The following SMARCA2 variants were observed in gnomAD, a reference collection of about 807,000 sequenced individuals.
The protein encoded by SMARCA2 is SWI/SNF related BAF chromatin remodeling complex subunit ATPase 2.
A neutral mutation model predicts 199.8 loss-of-function variants in SMARCA2; 61 were observed. That is an observed-to-expected ratio of 0.31 (90% CI 0.25 to 0.38). SMARCA2 has a LOEUF of 0.38. SMARCA2 is among the 10% of genes least tolerant of loss of function. SMARCA2 has a pLI of 1.00. For synonymous variants in SMARCA2, 935 were observed against 732.0 expected, an observed-to-expected ratio of 1.28 and a Z score of -4.48; for missense variants, 1,344 against 2,012.2, an observed-to-expected ratio of 0.67 and a Z score of 6.35.
intron 27 of SMARCA2, among the ~76,000 whole-genome samples, chr9:2,157,237 G>A (rs1389518684): frequency 1.3e-5 from 2 of 152,138 alleles, no homozygotes; most frequent in East Asian, 3.8e-4. Context: ...TTTCTTGTTT[G>A]GGGGATCATT....
intron 4 of SMARCA2, chr9:2,040,622 GAGATTATTTTTTAA>G (rs982806981): frequency 6.6e-6 from 1 of 152,242 alleles, no homozygotes; most frequent in Non-Finnish European, 1.5e-5. Context: ...TTTCCCAGGT[GAGATTATTTTTTAA>G]ATTATTATCA....
intron 29 of SMARCA2, chr9:2,181,308 C>G (rs113814262): frequency 2.1e-4 from 58 of 277,948 alleles, no homozygotes; most frequent in African/African-American, 1.3e-3. Flanking sequence ...TATATTTGCT[C>G]TGAAAGGGAA....
chr9:2,099,830 A>AT (rs1285740892), intron 21 of SMARCA2, among the ~76,000 whole-genome samples: 8 of 152,272 alleles, frequency 5.3e-5, no homozygotes, highest in African/African-American at 1.9e-4. Flanking sequence ...TGGAAACAGT[A>AT]TTTTTAACAT....
chr9:2,152,935 G>A (rs549716139), intron 27 of SMARCA2, among the ~76,000 whole-genome samples: 1 of 152,284 alleles, frequency 6.6e-6, no homozygotes, highest in South Asian at 2.1e-4. Flanking sequence ...TGGCCATACA[G>A]GAGAGATTCT....
Position 2,088,626 on chromosome 9 carries a change from A to C in SMARCA2, c.2883+13A>C, listed in dbSNP as rs1263845521. 6.4e-7 allele frequency: 1 copy of C among 1,566,088 alleles called. No individual in the cohort carries two copies. Among genetic ancestry groups the C allele is most frequent in the East Asian group, 2.2e-5 (1 of 44,454 alleles). On this transcript the variant is annotated intron_variant, in intron 19 of 33. Transcript: ENST00000349721. The stretch of plus-strand genomic sequence containing the variant: ...GCTTCCCGAAAAAGTATGTTGCACA[A>C]CCAAAAGTTGTGGGTTTTTTTTTTC...
Position 2,016,883 on chromosome 9 carries a change from G to C in SMARCA2, c.-37+1479G>C, listed in dbSNP as rs1013304796. ...AAAACACGGCCATGCCATCTGCAAA[G>C]GTGTCGCGATGCACTTCCCTAAATA... On this transcript the variant is annotated intron_variant, in intron 1 of 33. Transcript: ENST00000349721. The surrounding 1 kb of genome is among the most constrained non-coding windows in gnomAD (Gnocchi z 5.6). Among the ~76,000 whole-genome samples, 3 of 152,218 alleles carry C rather than the reference G, an allele frequency of 2.0e-5. No homozygotes were observed. Among genetic ancestry groups the C allele is most frequent in the African/African-American group, 7.2e-5 (3 of 41,466 alleles).
chr9:2,138,606 C>T (rs923767035), intron 27 of SMARCA2, among the ~76,000 whole-genome samples: 13 of 152,162 alleles, frequency 8.5e-5, no homozygotes, highest in Non-Finnish European at 1.6e-4. Flanking sequence ...CCTCTGATAA[C>T]TTATGAAAGA....
At chr9:2,077,918 G>T in intron 14 of SMARCA2, 142 bp downstream of exon 14, 1 of 712,120 alleles carries the variant, frequency 1.4e-6, no homozygotes, top group South Asian at 1.9e-5. Context: ...TCCTTTCATT[G>T]TGCCTATGAT....
chr9:2,190,592 T>C (rs553302067), intron 32 of SMARCA2, among the ~76,000 whole-genome samples: 1 of 152,076 alleles, frequency 6.6e-6, no homozygotes, highest in Admixed American at 6.5e-5. Context: ...TTGAATTCTT[T>C]ATATTCTATA....
chr9:2,044,000 T>C (rs1819725441), intron 4 of SMARCA2: 1 of 152,230 alleles, frequency 6.6e-6, no homozygotes, highest in Admixed American at 6.5e-5. Flanking sequence ...CATTTGAAGA[T>C]ACCAGGGAAA....
In SMARCA2 at chr9:2,192,802, A is replaced by T; in HGVS notation, c.*63A>T. 1.6e-6 allele frequency: 2 copies of T among 1,234,948 alleles called. No individual in the cohort carries two copies. Among genetic ancestry groups the T allele is most frequent in the Non-Finnish European group, 2.4e-6 (2 of 836,480 alleles). The allele number at this position is 1,234,948 out of a possible 1,614,324, so 76.5% of individuals were successfully genotyped here. On this transcript the variant is annotated 3_prime_UTR_variant, in exon 34 of 34. Transcript: ENST00000349721. ...TTCCTCCCCTGTCTCATTTCTACCCAGTGAGTTCATTTGTCATATAGGCAC... is the reference window on the plus strand; with the variant it reads ...TTCCTCCCCTGTCTCATTTCTACCCTGTGAGTTCATTTGTCATATAGGCAC...
chr9:2,040,002 GC>G, intron 4 of SMARCA2, 102 bp downstream of exon 4: 1 of 1,544,840 alleles, frequency 6.5e-7, no homozygotes, highest in South Asian at 1.2e-5. Flanking sequence ...GGCTGACGTA[GC>G]CTTTTGTTAT....
chr9:2,067,552 C>T (rs375023965), intron 9 of SMARCA2, among the ~76,000 whole-genome samples: 40 of 152,238 alleles, frequency 2.6e-4, no homozygotes, highest in African/African-American at 8.9e-4. Flanking sequence ...TTGTACATGT[C>T]GAAATAGTGA....
In SMARCA2 at chr9:2,185,944, T is replaced by A. The variant is rs540087514; in HGVS notation, c.4462-152T>A. ...TGTATGTCTGTATTTGGGCTTGGCG[T>A]TTTGCTACTGGGTTTTCATGTGGGC... On this transcript the variant is annotated intron_variant, in intron 31 of 33. Transcript: ENST00000349721. The A allele has an allele frequency of 9.7e-6, 7 of 720,286 alleles. No individual in the cohort carries two copies. In the Admixed American group the frequency reaches 1.7e-4, roughly 18 times the overall value. 44.6% of individuals were successfully genotyped at this position (720,286 alleles called of 1,614,324 possible).
chr9:2,159,781 C>T (rs1292480528), intron 27 of SMARCA2: 1 of 1,590,582 alleles, frequency 6.3e-7, no homozygotes, highest in Non-Finnish European at 8.6e-7. Flanking sequence ...GAAAACACAG[C>T]CTTTCCCCAG....
chr9:2,113,781 G>A (rs949433892), intron 24 of SMARCA2, among the ~76,000 whole-genome samples: 1 of 152,124 alleles, frequency 6.6e-6, no homozygotes, highest in African/African-American at 2.4e-5. Flanking sequence ...TTCATATTCT[G>A]CTGCCCCCTG....
At position 2,155,852 on chromosome 9, in the gene SMARCA2, G is replaced by C. The variant is rs908289704; in HGVS notation, c.3982-5834G>C. Among the ~76,000 whole-genome samples, 15 of 138,576 alleles carry C rather than the reference G, an allele frequency of 1.1e-4. No individual in the cohort carries two copies. In the Admixed American group the frequency reaches 1.2e-3, roughly 11 times the overall value. The allele number at this position is 138,576 out of a possible 152,430, so 90.9% of individuals were successfully genotyped here. On this transcript the variant is annotated intron_variant, in intron 27 of 33. Transcript: ENST00000349721. Reference sequence around the variant, plus strand: ...AGGCTCAATTTTCTTCCCCTTTATGGTCAGCTTTGTACATTTCAGTCCCAA... The same window carrying C: ...AGGCTCAATTTTCTTCCCCTTTATGCTCAGCTTTGTACATTTCAGTCCCAA...
chr9:2,145,194 T>C (rs1824674027), intron 27 of SMARCA2, among the ~76,000 whole-genome samples: 1 of 151,718 alleles, frequency 6.6e-6, no homozygotes, highest in Non-Finnish European at 1.5e-5. Context: ...TCTGAGCTAC[T>C]TGGGAGGCTG....
At chr9:2,121,495 G>A (rs1277953445) in intron 26 of SMARCA2, among the ~76,000 whole-genome samples, 4 of 152,182 alleles carry the variant, frequency 2.6e-5, no homozygotes, top group Admixed American at 1.3e-4. Flanking sequence ...TTGGGGGCAG[G>A]AAATAAAATT....
Sources: allele counts gnomAD v4.1 joint callset (sites outside exome capture counted in the v4.1 genomes callset), GRCh38; gene constraint gnomAD v4.1.1; non-coding constraint Gnocchi (gnomAD v3.1); transcripts MANE v1.5; gene names NCBI Gene and HGNC (gene_info 2026-07-23, HGNC 2026-07-21).